Variants in MRS2 observed in about 807,000 individuals in gnomAD.
MRS2 encodes magnesium transporter MRS2 homolog, mitochondrial.
MRS2 carries 40 observed loss-of-function variants against 52.6 expected under a neutral mutation model. The ratio of observed to expected loss-of-function variants is 0.76; its 90% CI spans 0.59 to 0.99. MRS2 has a LOEUF of 0.99. MRS2 is among the 50% of genes least tolerant of loss of function. MRS2 has a pLI of 0.00. For missense variants in MRS2, 472 were observed against 532.7 expected (o/e 0.89, Z 1.12); for synonymous variants, 193 against 195.9 (o/e 0.98, Z 0.13).
In MRS2 at chr6:24,408,458, A is replaced by G. The variant is rs769644432; in HGVS notation, c.301+14A>G. 1.3e-6 allele frequency: 2 copies of G among 1,557,706 alleles called. No individual in the cohort carries two copies. The highest frequency in any genetic ancestry group is 1.7e-5 in the Admixed American group (1 of 58,310). The stretch of plus-strand genomic sequence containing the variant: ...TTACTTCTTTTGGTGAGTGATTAGC[A>G]TTCTAAATCATTTTTTAAACATTTA... On this transcript the variant is annotated intron_variant, in intron 3 of 10. Coordinates refer to ENST00000378386, the MANE Select transcript of MRS2 (RefSeq NM_020662.4).
chr6:24,412,159 A>G, intron 4 of MRS2, 63 bp from the exon 5 acceptor site: 2 of 895,880 alleles, frequency 2.2e-6, no homozygotes, highest in Non-Finnish European at 1.6e-6. Flanking sequence ...ATATATGTAT[A>G]TACATGCATG....
At chr6:24,416,667 T>C (rs1020179819) in intron 7 of MRS2, among the ~76,000 whole-genome samples, 154 bp downstream of exon 7, 17 of 152,214 alleles carry the variant, frequency 1.1e-4, no homozygotes, top group Non-Finnish European at 1.8e-4. Context: ...TCCTGTGCAG[T>C]ATCGTATCTA....
intron 4 of MRS2, among the ~76,000 whole-genome samples, chr6:24,411,190 C>CAAAA (rs201560318): frequency 9.6e-6 from 1 of 104,322 alleles, no homozygotes. Flanking sequence ...ACTTCCATCT[C>CAAAA]AAAAAAAAAA....
At position 24,423,624 on chromosome 6, in the gene MRS2, G is replaced by A. The variant is rs1423458008; in HGVS notation, c.1262G>A (p.Ser421Asn). The A allele has an allele frequency of 1.9e-6, 3 of 1,611,706 alleles. No homozygotes were observed. The highest frequency in any genetic ancestry group is 1.7e-5 in the Admixed American group (1 of 59,946). ...LPKKTLLADR[S>N]MELKNSLRLD... ...AAAAAGACTCTTCTGGCAGATAGAA[G>A]CATGGAATTGAAAAATAGCCTCAGA... is the stretch of plus-strand genomic sequence containing the variant. Residue 421 changes from serine to asparagine, a missense_variant, in exon 11 of 11, where the codon AGC (serine) becomes AAC (asparagine). Transcript: ENST00000378386.
At chr6:24,410,761 T>C in intron 4 of MRS2, 1 of 1,531,740 alleles carries the variant, frequency 6.5e-7, no homozygotes, top group Non-Finnish European at 8.7e-7. Context: ...GTAGCTAGCA[T>C]TCTTCAAAAC....
At chr6:24,418,871 C>CCTGGGAGACAGAGTGAGA (rs1761948160) in intron 9 of MRS2, 1 of 231,476 alleles carries the variant, frequency 4.3e-6, no homozygotes, top group Non-Finnish European at 8.7e-6. Flanking sequence ...TGCACTCCAG[C>CCTGGGAGACAGAGTGAGA]CTGGGAGACA....
rs543804757 is a variant in MRS2, at chr6:24,413,813, G to A, written c.589-1220G>A. ...TGTAATTTACGTCATCAGTTTTACC[G>A]CTTGATTTAGTTAGTATATGCTATT... is the stretch of plus-strand genomic sequence containing the variant. On this transcript the variant is annotated intron_variant, in intron 5 of 10. Coordinates refer to ENST00000378386, the MANE Select transcript of MRS2 (RefSeq NM_020662.4). Among the ~76,000 whole-genome samples the A allele has an allele frequency of 7.2e-5, 11 of 152,282 alleles. No homozygotes were observed. The South Asian group carries it at 1.7e-3, about 23-fold the overall frequency.
chr6:24,421,157 A>G (rs1762029945), intron 9 of MRS2, among the ~76,000 whole-genome samples: 1 of 152,194 alleles, frequency 6.6e-6, no homozygotes, highest in African/African-American at 2.4e-5. Context: ...TCAATCTACA[A>G]GCTAACTCCA....
Position 24,423,702 on chromosome 6 carries a change from C to G in MRS2, c.*8C>G, listed in dbSNP as rs62401890. 0.15 allele frequency: 216,225 copies of G among 1,473,890 alleles called. 16,398 individuals are homozygous for G. The highest frequency in any genetic ancestry group is 0.17 in the Admixed American group (8,839 of 53,140). 91.3% of individuals were successfully genotyped at this position (1,473,890 alleles called of 1,614,324 possible). On this transcript the variant is annotated 3_prime_UTR_variant, in exon 11 of 11. Coordinates refer to ENST00000378386, the MANE Select transcript of MRS2 (RefSeq NM_020662.4). ...ATCCTAACAAACCGTTAGGAACAGC[C>G]CCGTGGATACTGAAGTTTTTTTTAT...
At chr6:24,416,640 C>A in intron 7 of MRS2, 127 bp downstream of exon 7, 1 of 676,692 alleles carries the variant, frequency 1.5e-6, no homozygotes, top group East Asian at 2.7e-5. Context: ...GATTTTTCAT[C>A]CCCAGTTTCC....
chr6:24,410,591 T>C, intron 4 of MRS2: 2 of 561,658 alleles, frequency 3.6e-6, no homozygotes, highest in Non-Finnish European at 3.0e-6. Context: ...GAGGCTGAAG[T>C]GGGAGGGTCA....
intron 9 of MRS2, 75 bp from the exon 10 acceptor site, chr6:24,422,862 G>C: frequency 1.0e-6 from 1 of 989,130 alleles, no homozygotes; most frequent in South Asian, 1.5e-5. Context: ...TTCAAACTCT[G>C]GGGCAGTAAC....
At position 24,423,061 on chromosome 6, in the gene MRS2, T is replaced by C. The variant is rs1762104656; in HGVS notation, c.1221+11T>C. 1 of 1,603,688 alleles carries C rather than the reference T, an allele frequency of 6.2e-7. No homozygotes were observed. The highest frequency in any genetic ancestry group is 8.5e-7 in the Non-Finnish European group (1 of 1,170,928). ...CCATTGCCTCCTATGGTATGAAGGATATGGTTCACGGCGGTATTGTGGAAG... is the reference window on the plus strand; with the variant it reads ...CCATTGCCTCCTATGGTATGAAGGACATGGTTCACGGCGGTATTGTGGAAG... On this transcript the variant is annotated intron_variant, in intron 10 of 10. Coordinates refer to ENST00000378386, the MANE Select transcript of MRS2 (RefSeq NM_020662.4).
At chr6:24,407,118 G>A (rs1338113828) in intron 2 of MRS2, among the ~76,000 whole-genome samples, 1 of 152,106 alleles carries the variant, frequency 6.6e-6, no homozygotes. Context: ...ATGTTTGGAA[G>A]GATATTCAGT....
intron 2 of MRS2, among the ~76,000 whole-genome samples, chr6:24,405,839 C>T (rs1446829307): frequency 6.9e-6 from 1 of 145,786 alleles, no homozygotes; most frequent in Non-Finnish European, 1.5e-5. Flanking sequence ...GGCGTGGTGG[C>T]TCACGCCTGT....
rs1478796093 is a variant in MRS2, at chr6:24,416,506, C to G, written c.829C>G (p.Gln277Glu). 1.3e-6 allele frequency: 2 copies of G among 1,486,074 alleles called. No individual in the cohort carries two copies. Among genetic ancestry groups the G allele is most frequent in the Non-Finnish European group, 1.9e-6 (2 of 1,067,532 alleles). 92.1% of individuals were successfully genotyped at this position (1,486,074 alleles called of 1,614,324 possible). ...CTGTGTATCAAAATGGAGTGACCCA[C>G]AAGTCTTGTAAGTATATAATTATAC... Reference protein sequence around the residue: ...ELCVSKWSDPQVFEKSSAGID... With the variant: ...ELCVSKWSDPEVFEKSSAGID... The change falls in exon 7 of 11, where the codon CAA (glutamine) becomes GAA (glutamate). Residue 277 changes from glutamine (Q) to glutamate (E), a missense_variant. Coordinates refer to ENST00000378386, the MANE Select transcript of MRS2 (RefSeq NM_020662.4).
At chr6:24,415,238 T>C in intron 6 of MRS2, 75 bp downstream of exon 6, 1 of 1,452,276 alleles carries the variant, frequency 6.9e-7, no homozygotes, top group Non-Finnish European at 9.3e-7. Context: ...TTTTGTTTCA[T>C]AACTTTTTTT....
At chr6:24,418,269 T>A (rs777082970) in intron 8 of MRS2, 33 bp downstream of exon 8, 12 of 1,502,232 alleles carry the variant, frequency 8.0e-6, no homozygotes, top group African/African-American at 2.9e-5. Flanking sequence ...TAAGTTTTTT[T>A]AATAAAATAA....
Position 24,416,443 on chromosome 6 carries a change from T to G in MRS2, c.766T>G (p.Leu256Val), listed in dbSNP as rs979026343. Residue 256 changes from leucine to valine, a missense_variant, in exon 7 of 11, where the codon TTG becomes GTG. Transcript: ENST00000378386. ...TATTAAAATTTTCAAAGAGTCAATT[T>G]TGGAGATCTTGGATGAGGAAGAGTT... ...TDIKIFKESI[L>V]EILDEEELLE... 3.7e-6 allele frequency: 6 copies of G among 1,604,010 alleles called. No homozygotes were observed. The African/African-American group carries it at 8.0e-5, about 21-fold the overall frequency.
Sources: allele counts gnomAD v4.1 joint callset (sites outside exome capture counted in the v4.1 genomes callset), GRCh38; gene constraint gnomAD v4.1.1; transcripts MANE v1.5; gene names NCBI Gene and HGNC (gene_info 2026-07-23, HGNC 2026-07-21).